Variants in EPC1 observed in about 807,000 individuals in gnomAD.
EPC1 encodes the protein enhancer of polycomb homolog 1.
A neutral mutation model predicts 98.4 loss-of-function variants in EPC1; 12 were observed. The observed-to-expected ratio is 0.12, with a 90% CI of 0.08 to 0.20. The LOEUF (loss-of-function observed/expected upper bound fraction) is 0.20, where lower values mean the gene tolerates loss of function less well. EPC1 is among the 10% of genes least tolerant of loss of function. The pLI, the probability that EPC1 is intolerant of heterozygous loss-of-function variation, is 1.00. For synonymous variants in EPC1, 357 were observed against 363.9 expected (o/e 0.98, Z 0.21); for missense variants, 729 against 990.5 (o/e 0.74, Z 3.54).
intron 1 of EPC1, among the ~76,000 whole-genome samples, chr10:32,364,870 A>C (rs1839552528): frequency 6.6e-6 from 1 of 151,620 alleles, no homozygotes; most frequent in African/African-American, 2.4e-5. Context: ...GCACAAATTC[A>C]TAAGCTTTCT....
chr10:32,330,568 A>G (rs1379150448), intron 1 of EPC1, among the ~76,000 whole-genome samples: 1 of 152,178 alleles, frequency 6.6e-6, no homozygotes. Context: ...AATCAAACAC[A>G]CTGGATTATA....
intron 1 of EPC1, among the ~76,000 whole-genome samples, chr10:32,329,030 A>G (rs933720189): frequency 3.3e-5 from 5 of 152,124 alleles, no homozygotes; most frequent in African/African-American, 1.2e-4. Context: ...TTTCTCTGTG[A>G]GAAGAAGGGT....
chr10:32,308,439 A>G (rs1467760854), intron 1 of EPC1, among the ~76,000 whole-genome samples: 1 of 152,084 alleles, frequency 6.6e-6, no homozygotes, highest in Non-Finnish European at 1.5e-5. Flanking sequence ...CAGAAAATGA[A>G]TACTTCACAT....
At chr10:32,279,241 C>T (rs995826735) in intron 10 of EPC1, among the ~76,000 whole-genome samples, 10 of 151,288 alleles carry the variant, frequency 6.6e-5, no homozygotes, top group African/African-American at 1.2e-4. Context: ...CCCAGCTACT[C>T]GGGAGGCTGA....
intron 11 of EPC1, 71 bp downstream of exon 11, chr10:32,273,092 C>G: frequency 1.2e-6 from 2 of 1,614,090 alleles, no homozygotes; most frequent in Non-Finnish European, 1.7e-6. Flanking sequence ...TCTATGACAA[C>G]AGTTGGTAAT....
chr10:32,297,205 A>G (rs948027273), intron 2 of EPC1, among the ~76,000 whole-genome samples: 5 of 152,116 alleles, frequency 3.3e-5, no homozygotes, highest in Admixed American at 6.6e-5. Context: ...AAAAGGGTCT[A>G]AAGAAAAACA....
intron 10 of EPC1, among the ~76,000 whole-genome samples, chr10:32,275,212 G>T (rs1215588902): frequency 6.6e-6 from 1 of 152,214 alleles, no homozygotes; most frequent in Non-Finnish European, 1.5e-5. Context: ...TAGCTAATTA[G>T]AAATCAATGT....
chr10:32,346,500 T>C (rs1838822061), intron 1 of EPC1: 1 of 468,878 alleles, frequency 2.1e-6, no homozygotes, highest in Non-Finnish European at 3.9e-6. Context: ...CGTGACCCCT[T>C]TGTGCCTTTC....
At chr10:32,355,078 TAGG>T (rs1198794063) in intron 1 of EPC1, among the ~76,000 whole-genome samples, 1 of 152,174 alleles carries the variant, frequency 6.6e-6, no homozygotes, top group Non-Finnish European at 1.5e-5. Flanking sequence ...ATCATCCTCA[TAGG>T]GGGAGCACTC....
intron 1 of EPC1, among the ~76,000 whole-genome samples, chr10:32,339,164 G>A (rs1266078636): frequency 1.3e-5 from 2 of 152,210 alleles, no homozygotes; most frequent in East Asian, 3.9e-4. Context: ...ATGCAAATGA[G>A]ATTAACTCAA....
At chr10:32,307,476 A>C (rs1235910499) in intron 1 of EPC1, among the ~76,000 whole-genome samples, 2 of 152,156 alleles carry the variant, frequency 1.3e-5, no homozygotes, top group Non-Finnish European at 2.9e-5. Flanking sequence ...ACAAATGATA[A>C]AGTTTCTTTT....
intron 1 of EPC1, among the ~76,000 whole-genome samples, chr10:32,320,998 G>C (rs187920833): frequency 1.3e-5 from 2 of 152,210 alleles, no homozygotes; most frequent in East Asian, 3.9e-4. Context: ...ACATCATCTT[G>C]TAACTCCATT....
chr10:32,339,417 C>T (rs1458405681), intron 1 of EPC1, among the ~76,000 whole-genome samples: 1 of 152,058 alleles, frequency 6.6e-6, no homozygotes, highest in African/African-American at 2.4e-5. Flanking sequence ...TGGTGGCACA[C>T]ACCTGTAGCC....
chr10:32,286,545 G>T, intron 9 of EPC1, 149 bp downstream of exon 9: 2 of 945,820 alleles, frequency 2.1e-6, no homozygotes, highest in Non-Finnish European at 3.1e-6. Context: ...AGGCAGCACA[G>T]CAACAAAAAT....
intron 1 of EPC1, among the ~76,000 whole-genome samples, chr10:32,372,051 C>A (rs1263506960): frequency 6.6e-6 from 1 of 152,116 alleles, no homozygotes; most frequent in Non-Finnish European, 1.5e-5. Context: ...TCAAAGTTTG[C>A]AATCCATATT....
intron 1 of EPC1, chr10:32,346,479 C>G: frequency 2.6e-6 from 1 of 385,254 alleles, no homozygotes; most frequent in East Asian, 5.3e-5. Flanking sequence ...TGGCTGCCGG[C>G]AGCTTCGTCA....
At chr10:32,337,964 T>C (rs1369956025) in intron 1 of EPC1, among the ~76,000 whole-genome samples, 1 of 152,230 alleles carries the variant, frequency 6.6e-6, no homozygotes, top group Non-Finnish European at 1.5e-5. Context: ...AAGAAAATCT[T>C]TTCAGTAGCT....
chr10:32,276,339 C>T (rs1386091284), intron 10 of EPC1, among the ~76,000 whole-genome samples: 1 of 152,094 alleles, frequency 6.6e-6, no homozygotes, highest in Non-Finnish European at 1.5e-5. Context: ...GGTGAAACCC[C>T]GTCTCTACCA....
Position 32,272,098 on chromosome 10 carries a change from G to A in EPC1, c.1933C>T (p.Gln645Ter). ...TCCTTCATCTTGAATCCCATCAGTT[G>A]TTCTGATGTCACCAAAGCAGAAGCA... ...FAASALVTSE[Q>*]LMGFKMKDDV... Residue 645 changes from glutamine (Q) to a stop codon, truncating the protein, a stop_gained, in exon 12 of 14, where the codon CAA (glutamine) becomes TAA (stop). Transcript: ENST00000319778. LOFTEE classifies it high-confidence loss of function. 1 of 1,613,902 alleles carries A rather than the reference G, an allele frequency of 6.2e-7. No individual in the cohort carries two copies.
Sources: allele counts gnomAD v4.1 joint callset (sites outside exome capture counted in the v4.1 genomes callset), GRCh38; gene constraint gnomAD v4.1.1; transcripts MANE v1.5; gene names NCBI Gene and HGNC (gene_info 2026-07-23, HGNC 2026-07-21).